The following ANKFY1 variants were observed in gnomAD, a reference collection of about 807,000 sequenced individuals.
The protein encoded by ANKFY1 is ankyrin repeat and FYVE domain-containing protein 1.
ANKFY1 carries 47 observed loss-of-function variants against 128.3 expected under a neutral mutation model. That is an observed-to-expected ratio of 0.37 (90% CI 0.29 to 0.47). ANKFY1 has a LOEUF of 0.47. ANKFY1 is among the 20% of genes least tolerant of loss of function. ANKFY1 has a pLI of 1.00. For missense variants in ANKFY1, 1,222 were observed against 1,510.6 expected, an observed-to-expected ratio of 0.81 and a Z score of 3.17; for synonymous variants, 553 against 601.6, an observed-to-expected ratio of 0.92 and a Z score of 1.18.
At chr17:4,206,663 G>A (rs1046342293) in intron 6 of ANKFY1, among the ~76,000 whole-genome samples, 177 bp from the exon 7 acceptor site, 1 of 152,040 alleles carries the variant, frequency 6.6e-6, no homozygotes, top group Non-Finnish European at 1.5e-5. Context: ...GCTTCCTCAG[G>A]GTACATGTTT....
intron 3 of ANKFY1, among the ~76,000 whole-genome samples, chr17:4,221,917 C>G (rs2060321069): frequency 6.6e-6 from 1 of 152,162 alleles, no homozygotes; most frequent in Non-Finnish European, 1.5e-5. Context: ...ATGCCCAGCC[C>G]TATTGTTTTC....
chr17:4,183,542 G>T lies in ANKFY1; in HGVS notation c.1808C>A (p.Thr603Lys). 6.2e-7 allele frequency: 1 copy of T among 1,612,152 alleles called. No homozygotes were observed. The stretch of plus-strand genomic sequence containing the variant: ...AGAGCCCAGCAGCTGGGCTGCGATC[G>T]TGTGCATGCCTGGGAAACAAGCCCC... Reference protein sequence around the residue: ...LGLALWTGMHTIAAQLLGSGA... With the variant: ...LGLALWTGMHKIAAQLLGSGA... The change falls in exon 14 of 25, where the codon ACG (threonine) becomes AAG (lysine). Residue 603 changes from threonine (T) to lysine (K), a missense_variant. Transcript: ENST00000341657.
chr17:4,244,871 T>G (rs1406694386), intron 1 of ANKFY1, among the ~76,000 whole-genome samples: 1 of 152,128 alleles, frequency 6.6e-6, no homozygotes, highest in African/African-American at 2.4e-5. Context: ...CGAGCCAGTT[T>G]AAGTCTCTTA....
At chr17:4,173,804 G>A (rs2059365705) in intron 20 of ANKFY1, 105 bp downstream of exon 20, 9 of 1,450,692 alleles carry the variant, frequency 6.2e-6, no homozygotes, top group Non-Finnish European at 8.4e-6. Context: ...CTTTGCTCCT[G>A]TAAAAGCCAA....
intron 7 of ANKFY1, among the ~76,000 whole-genome samples, chr17:4,203,476 T>G (rs2059968176): frequency 6.6e-6 from 1 of 152,130 alleles, no homozygotes; most frequent in Non-Finnish European, 1.5e-5. Context: ...CTCCAGTTGG[T>G]GGCATCATTT....
chr17:4,217,094 G>C lies in ANKFY1; in HGVS notation c.347C>G (p.Thr116Arg), dbSNP rs755556651. The C allele has an allele frequency of 1.9e-6, 3 of 1,612,618 alleles. No homozygotes were observed. The South Asian group carries it at 3.3e-5, about 18-fold the overall frequency. Residue 116 changes from threonine to arginine, a missense_variant, in exon 4 of 25, where the codon ACA becomes AGA. Thr to Arg is a moderately conservative substitution (Grantham distance 71, BLOSUM62 -1). Transcript: ENST00000341657. ...ATCTGTATAGATCCAGCGAAGCATT[G>C]TCATCGTCACCTCAGGATTAGCATC... is the stretch of plus-strand genomic sequence containing the variant. ...LSDANPEVTMTMLRWIYTDEL... is the reference protein window; with the variant it reads ...LSDANPEVTMRMLRWIYTDEL...
intron 3 of ANKFY1, among the ~76,000 whole-genome samples, chr17:4,234,037 ATACT>A (rs1253511014): frequency 6.6e-6 from 1 of 152,218 alleles, no homozygotes; most frequent in Admixed American, 6.5e-5. Flanking sequence ...AGATATACAG[ATACT>A]TACCACTGTG....
intron 5 of ANKFY1, 42 bp downstream of exon 5, chr17:4,209,782 T>C: frequency 1.3e-6 from 2 of 1,570,760 alleles, no homozygotes; most frequent in Non-Finnish European, 1.7e-6. Context: ...GTCTCCTGAC[T>C]GCCAGCTAGA....
intron 19 of ANKFY1, among the ~76,000 whole-genome samples, chr17:4,174,429 TA>T (rs1367190565): frequency 2.0e-5 from 3 of 152,156 alleles, no homozygotes; most frequent in Non-Finnish European, 4.4e-5. Context: ...TAAAAAATTG[TA>T]ATAGGTACAA....
intron 19 of ANKFY1, 149 bp downstream of exon 19, chr17:4,176,977 A>C: frequency 3.8e-6 from 3 of 780,412 alleles, no homozygotes; most frequent in Non-Finnish European, 5.5e-6. Context: ...AGCCCTTGAC[A>C]CCAGTTTCCT....
Position 4,165,545 on chromosome 17 carries a change from GT to G in ANKFY1, c.*2233del, listed in dbSNP as rs2142997372. 6.6e-6 allele frequency: 1 copy of G among 152,330 alleles called. No individual in the cohort carries two copies. The highest frequency in any genetic ancestry group is 2.4e-5 in the African/African-American group (1 of 41,580). 9.4% of individuals were successfully genotyped at this position (152,330 alleles called of 1,614,324 possible). On this transcript the variant is annotated 3_prime_UTR_variant, in exon 25 of 25. Transcript: ENST00000341657. ...TGAGTGCAGCCCAGCGAGCGTCCGC[GT>G]GGTCGGGGGGCTTCCTAAGTCTGTG... is the stretch of plus-strand genomic sequence containing the variant.
chr17:4,237,994 C>T (rs1434891654), intron 2 of ANKFY1, among the ~76,000 whole-genome samples: 1 of 151,898 alleles, frequency 6.6e-6, no homozygotes, highest in East Asian at 1.9e-4. Flanking sequence ...ACATAGCCAT[C>T]GTTTTTAACT....
chr17:4,223,371 C>T, intron 3 of ANKFY1: 3 of 1,588,928 alleles, frequency 1.9e-6, no homozygotes, highest in Non-Finnish European at 2.6e-6. Context: ...ATTCAGATTG[C>T]CTGTGGAATG....
At chr17:4,209,418 A>G (rs1243765329) in intron 5 of ANKFY1, among the ~76,000 whole-genome samples, 1 of 152,168 alleles carries the variant, frequency 6.6e-6, no homozygotes, top group Non-Finnish European at 1.5e-5. Context: ...CTCCTGCCAC[A>G]GTCTCCTGAG....
rs1454412489 is a variant in ANKFY1 at position 4,217,016 on chromosome 17, G to C, written c.425C>G (p.Ala142Gly). 3 of 1,614,132 alleles carry C rather than the reference G, an allele frequency of 1.9e-6. No homozygotes were observed. Among genetic ancestry groups the C allele is most frequent in the East Asian group, 2.2e-5 (1 of 44,880 alleles). The part of the protein sequence containing the change: ...DVFLTELMKL[A>G]NRFQLQLLRE... ...GAGGAGCTGTAGCTGAAACCGATTT[G>C]CTAGTTTCATCAGTTCAGTCAGGAA... Residue 142 changes from alanine to glycine, a missense_variant, in exon 4 of 25, where the codon GCA (alanine) becomes GGA (glycine). By Grantham distance (60) the Ala-to-Gly change is moderately conservative (BLOSUM62 0). Coordinates refer to ENST00000341657, the MANE Select transcript of ANKFY1 (RefSeq NM_001330063.2).
At chr17:4,218,307 G>C (rs895090073) in intron 3 of ANKFY1, among the ~76,000 whole-genome samples, 2 of 152,272 alleles carry the variant, frequency 1.3e-5, no homozygotes, top group East Asian at 1.9e-4. Flanking sequence ...AACAAAAATC[G>C]TAAGAGTCCA....
At chr17:4,210,526 T>C (rs926591851) in intron 4 of ANKFY1, among the ~76,000 whole-genome samples, 1 of 150,566 alleles carries the variant, frequency 6.6e-6, no homozygotes, top group African/African-American at 2.4e-5. Flanking sequence ...CTGACCAACA[T>C]GGAGGAACCC....
chr17:4,225,619 C>CA (rs1400882714), intron 3 of ANKFY1, among the ~76,000 whole-genome samples: 2 of 152,026 alleles, frequency 1.3e-5, no homozygotes, highest in African/African-American at 4.8e-5. Flanking sequence ...GGACAGAGTA[C>CA]AAAACAACAA....
intron 10 of ANKFY1, among the ~76,000 whole-genome samples, chr17:4,190,631 G>T (rs1409802471): frequency 6.6e-6 from 1 of 152,042 alleles, no homozygotes; most frequent in African/African-American, 2.4e-5. Flanking sequence ...TCTTGGCTTA[G>T]AAATATTTTC....
Sources: allele counts gnomAD v4.1 joint callset (sites outside exome capture counted in the v4.1 genomes callset), GRCh38; gene constraint gnomAD v4.1.1; transcripts MANE v1.5; gene names NCBI Gene and HGNC (gene_info 2026-07-23, HGNC 2026-07-21).